Variants in USF3 observed in about 807,000 individuals in gnomAD.
USF3 encodes basic helix-loop-helix domain-containing protein USF3.
USF3 carries 29 observed loss-of-function variants against 157.5 expected under a neutral mutation model. That is an observed-to-expected ratio of 0.18 (90% CI 0.14 to 0.25). The LOEUF is 0.25. Among genes scored for constraint, USF3 ranks in the 10% least tolerant of loss-of-function variants. USF3 has a pLI of 1.00. For synonymous variants in USF3, 893 were observed against 941.4 expected (o/e 0.95, Z 0.94); for missense variants, 2,381 against 2,667.6 (o/e 0.89, Z 2.37).
Position 113,659,454 on chromosome 3 carries a change from C to T in USF3, c.2228G>A (p.Ser743Asn). 1 of 1,614,254 alleles carries T rather than the reference C, an allele frequency of 6.2e-7. No homozygotes were observed. The highest frequency in any genetic ancestry group is 1.6e-4 in the Middle Eastern group (1 of 6,062). Residue 743 changes from serine (S) to asparagine (N), a missense_variant, in exon 7 of 7, where the codon AGT becomes AAT. Around this residue, in one of 6 missense-constraint regions of USF3, gnomAD observed 1,435 missense variants for 1,550.9 expected, o/e 0.93. Transcript: ENST00000316407. ...AACACAGTTAGCTGTAGTGGTTTGA[C>T]TATTTGCAGCAGTTTGAGAATTGGC... ...QPANSQTAAN[S>N]QTTTANCVSL...
Position 113,657,322 on chromosome 3 carries a change from G to A in USF3, c.4360C>T (p.His1454Tyr), listed in dbSNP as rs1482952009. ...HVPAQGVSHLHSNHLYIKQQQ... is the reference protein window; with the variant it reads ...HVPAQGVSHLYSNHLYIKQQQ... ...TGCTTTATGTAGAGATGGTTACTATGAAGGTGAGATACACCTTGAGCTGGA... is the reference window on the plus strand; with the variant it reads ...TGCTTTATGTAGAGATGGTTACTATAAAGGTGAGATACACCTTGAGCTGGA... The change falls in exon 7 of 7, where the codon CAT becomes TAT. Residue 1454 changes from histidine to tyrosine, a missense_variant. Physicochemically the swap from His to Tyr is moderately conservative, Grantham distance 83. Around this residue, in one of 6 missense-constraint regions of USF3, gnomAD observed 1,435 missense variants for 1,550.9 expected, o/e 0.93. Transcript: ENST00000316407. 5 of 1,613,652 alleles carry A rather than the reference G, an allele frequency of 3.1e-6. No individual in the cohort carries two copies. The highest frequency in any genetic ancestry group is 4.2e-6 in the Non-Finnish European group (5 of 1,179,846).
In USF3 at chr3:113,651,049, T is replaced by G. The variant is rs1289282666; in HGVS notation, c.*3895A>C. 5.3e-5 allele frequency: 8 copies of G among 152,218 alleles called. No homozygotes were observed. Among genetic ancestry groups the G allele is most frequent in the Admixed American group, 2.6e-4 (4 of 15,286 alleles). 9.4% of individuals were successfully genotyped at this position (152,218 alleles called of 1,614,324 possible). A position where few individuals can be genotyped will look rare whatever the true frequency, so the allele number is the denominator to read the frequency against. Reference sequence around the variant, plus strand: ...AGAAAGAAACAACATCAAACTAGATTCCTTTCATCTATGATTGACACATTA... The same window carrying G: ...AGAAAGAAACAACATCAAACTAGATGCCTTTCATCTATGATTGACACATTA... On this transcript the variant is annotated 3_prime_UTR_variant, in exon 7 of 7. Coordinates refer to ENST00000316407, the MANE Select transcript of USF3 (RefSeq NM_001009899.4).
chr3:113,685,622 A>C (rs1043420865), intron 1 of USF3, among the ~76,000 whole-genome samples: 2 of 151,868 alleles, frequency 1.3e-5, no homozygotes, highest in African/African-American at 2.4e-5. Context: ...CCTGATGGCC[A>C]CCACAGATGA....
chr3:113,653,483 G>T lies in USF3; in HGVS notation c.*1461C>A, dbSNP rs184493802. On this transcript the variant is annotated 3_prime_UTR_variant, in exon 7 of 7. Coordinates refer to ENST00000316407, the MANE Select transcript of USF3 (RefSeq NM_001009899.4). ...CCAGGTGTGGTGGCACGTGCCTGTA[G>T]TCCCAGCTACACAGGAGGCTGAGGC... is the stretch of plus-strand genomic sequence containing the variant. 484 of 152,136 alleles carry T rather than the reference G, an allele frequency of 3.2e-3. No individual in the cohort carries two copies. The highest frequency in any genetic ancestry group is 5.6e-3 in the Non-Finnish European group (381 of 68,356). 9.4% of individuals were successfully genotyped at this position (152,136 alleles called of 1,614,324 possible).
intron 5 of USF3, among the ~76,000 whole-genome samples, chr3:113,666,714 C>G (rs184872475): frequency 1.3e-5 from 2 of 151,472 alleles, no homozygotes; most frequent in African/African-American, 4.9e-5. Context: ...TACAGGCACC[C>G]GCCACCATGC....
intron 1 of USF3, among the ~76,000 whole-genome samples, chr3:113,678,881 A>C (rs1000578511): frequency 6.6e-6 from 1 of 151,964 alleles, no homozygotes; most frequent in Non-Finnish European, 1.5e-5. Flanking sequence ...CAGCCTCCTA[A>C]GCAGCTAGGA....
At chr3:113,675,537 T>C (rs1008776483) in intron 2 of USF3, among the ~76,000 whole-genome samples, 1 of 152,182 alleles carries the variant, frequency 6.6e-6, no homozygotes, top group Non-Finnish European at 1.5e-5. Context: ...TATACATATA[T>C]GGAAAAGGCC....
In USF3 at chr3:113,660,892, C is replaced by G; in HGVS notation, c.790G>C (p.Glu264Gln). 1.2e-6 allele frequency: 2 copies of G among 1,614,114 alleles called. No individual in the cohort carries two copies. Among genetic ancestry groups the G allele is most frequent in the Non-Finnish European group, 1.7e-6 (2 of 1,180,000 alleles). Residue 264 changes from glutamate to glutamine, a missense_variant, in exon 7 of 7, where the codon GAG (glutamate) becomes CAG (glutamine). Physicochemically the swap from Glu to Gln is conservative, Grantham distance 29. Around this residue, in one of 6 missense-constraint regions of USF3, gnomAD observed 1,435 missense variants for 1,550.9 expected, o/e 0.93. Transcript: ENST00000316407. Reference protein sequence around the residue: ...GSLIAVSIESEPHQHHSLHTC... With the variant: ...GSLIAVSIESQPHQHHSLHTC... ...TGCAAAGAATGATGTTGGTGAGGCT[C>G]AGATTCAATTGAAACAGCAATCAGT...
Position 113,655,587 on chromosome 3 carries a change from TC to T in USF3, c.6094del (p.Glu2032ArgfsTer42). On this transcript the variant is annotated frameshift_variant, in exon 7 of 7. Coordinates refer to ENST00000316407, the MANE Select transcript of USF3 (RefSeq NM_001009899.4). LOFTEE classifies it high-confidence loss of function. ...GAAACGAACAATACTTCCTCTCTTC[TC>T]TGTGGCAGGTTGTTGACGTCCAAGA... Reference protein sequence around the residue: ...MILGRQQPATEKRGSIVRFMP... With the variant: ...MILGRQQPATXKRGSIVRFMP... 1 of 1,614,172 alleles carries T rather than the reference TC, an allele frequency of 6.2e-7. No individual in the cohort carries two copies. The highest frequency in any genetic ancestry group is 8.5e-7 in the Non-Finnish European group (1 of 1,180,002).
Position 113,650,391 on chromosome 3 carries a change from C to T in USF3, c.*4553G>A, listed in dbSNP as rs184784895. The T allele has an allele frequency of 5.2e-3, 813 of 155,566 alleles. 4 individuals carry two copies. Among genetic ancestry groups the T allele is most frequent in the Non-Finnish European group, 8.7e-3 (614 of 70,404 alleles). The allele number at this position is 155,566 out of a possible 1,614,324, so 9.6% of individuals were successfully genotyped here. A position where few individuals can be genotyped will look rare whatever the true frequency, so the allele number is the denominator to read the frequency against. On this transcript the variant is annotated 3_prime_UTR_variant, in exon 7 of 7. Transcript: ENST00000316407. ...GGGAATCACTGATTTGGGAGTATGACTCACTACCACACACTGATCCATACA... is the reference window on the plus strand; with the variant it reads ...GGGAATCACTGATTTGGGAGTATGATTCACTACCACACACTGATCCATACA...
At position 113,654,919 on chromosome 3, in the gene USF3, A is replaced by G; in HGVS notation, c.*25T>C. On this transcript the variant is annotated 3_prime_UTR_variant, in exon 7 of 7. Transcript: ENST00000316407. ...AAATACATTTGTAATCTCACTCATTACCTTTACATTTTGTTTATCAGTATT... is the reference window on the plus strand; with the variant it reads ...AAATACATTTGTAATCTCACTCATTGCCTTTACATTTTGTTTATCAGTATT... 1 of 1,587,554 alleles carries G rather than the reference A, an allele frequency of 6.3e-7. No homozygotes were observed. The highest frequency in any genetic ancestry group is 8.6e-7 in the Non-Finnish European group (1 of 1,165,388).
At position 113,652,992 on chromosome 3, in the gene USF3, C is replaced by A; in HGVS notation, c.*1952G>T. The A allele has an allele frequency of 9.4e-7, 1 of 1,067,750 alleles. No homozygotes were observed. Among genetic ancestry groups the A allele is most frequent in the South Asian group, 1.6e-5 (1 of 62,818 alleles). 66.1% of individuals were successfully genotyped at this position (1,067,750 alleles called of 1,614,324 possible). Reference sequence around the variant, plus strand: ...AAGAGGAACTTGAAAAAGGAATATTCAAGGTGCTGTTCCTGGTGTTAGTTG... The same window carrying A: ...AAGAGGAACTTGAAAAAGGAATATTAAAGGTGCTGTTCCTGGTGTTAGTTG... On this transcript the variant is annotated 3_prime_UTR_variant, in exon 7 of 7. Coordinates refer to ENST00000316407, the MANE Select transcript of USF3 (RefSeq NM_001009899.4).
chr3:113,666,165 C>G lies in USF3; in HGVS notation c.160-1756G>C, dbSNP rs911404087. 1.5e-4 allele frequency among the ~76,000 whole-genome samples: 23 copies of G among 149,976 alleles called. 1 individual carries two copies. Among genetic ancestry groups the G allele is most frequent in the African/African-American group, 5.1e-4 (21 of 40,784 alleles). On this transcript the variant is annotated intron_variant, in intron 5 of 6. Transcript: ENST00000316407. The stretch of plus-strand genomic sequence containing the variant: ...TGCCATTGCACTCCAGCCTGGGCAA[C>G]AGTAGCAAAACTCCATCTCAAAAAA...
chr3:113,679,953 T>C (rs1707371543), intron 1 of USF3, among the ~76,000 whole-genome samples: 1 of 152,002 alleles, frequency 6.6e-6, no homozygotes, highest in South Asian at 2.1e-4. Flanking sequence ...GTTTTTCTTT[T>C]TTTTTTTGAG....
At position 113,660,560 on chromosome 3, in the gene USF3, T is replaced by C. The variant is rs894444883; in HGVS notation, c.1122A>G (p.Ser374=). 1 of 1,614,082 alleles carries C rather than the reference T, an allele frequency of 6.2e-7. No individual in the cohort carries two copies. The highest frequency in any genetic ancestry group is 1.3e-5 in the African/African-American group (1 of 74,938). Reference sequence around the variant, plus strand: ...TGGCCTTCCCTACTCCAGGGGCAGATGATGCCACCACTGTAGCTGTACTTG... The same window carrying C: ...TGGCCTTCCCTACTCCAGGGGCAGACGATGCCACCACTGTAGCTGTACTTG... ...DLTSTATVVA[S]SAPGVGKATI... is the part of the protein sequence containing the mutation. The change falls in exon 7 of 7, where the codon TCA becomes TCG. Residue 374 remains serine, a synonymous_variant. Coordinates refer to ENST00000316407, the MANE Select transcript of USF3 (RefSeq NM_001009899.4).
chr3:113,674,601 C>T (rs1398286960), intron 3 of USF3, among the ~76,000 whole-genome samples: 1 of 152,180 alleles, frequency 6.6e-6, no homozygotes, highest in Non-Finnish European at 1.5e-5. Context: ...CCTCGGCCTC[C>T]CAAAGTGCTG....
chr3:113,672,435 A>G (rs12636240), intron 4 of USF3, among the ~76,000 whole-genome samples: 47,391 of 151,910 alleles, frequency 0.31, 7,476 homozygotes, highest in Non-Finnish European at 0.34. Context: ...CTATAAGCAC[A>G]TATCTATGGC....
intron 1 of USF3, among the ~76,000 whole-genome samples, chr3:113,680,053 C>CTTTTTTTTTTTT (rs71131103): frequency 1.3e-3 from 79 of 58,612 alleles, no homozygotes; most frequent in Admixed American, 2.2e-3. Flanking sequence ...CTGTAGTTTT[C>CTTTTTTTTTTTT]TTTTTTTTTT....
rs778019894 is a variant in USF3, at chr3:113,658,550, A to G, written c.3132T>C (p.Asn1044=). The G allele has an allele frequency of 1.9e-6, 3 of 1,613,974 alleles. No homozygotes were observed. The Admixed American group carries it at 5.0e-5, about 27-fold the overall frequency. ...ENPKIVDSSV[N]LHPKQELLLM... is the part of the protein sequence containing the mutation. ...GTAATAGTTCCTGTTTGGGATGTAA[A>G]TTCACACTTGAATCAACTATTTTAG... Residue 1044 remains asparagine (N), a synonymous_variant, in exon 7 of 7, where the codon AAT becomes AAC. Transcript: ENST00000316407.
Sources: allele counts gnomAD v4.1 joint callset (sites outside exome capture counted in the v4.1 genomes callset), GRCh38; gene constraint gnomAD v4.1.1; regional missense constraint gnomAD v4.1.1; transcripts MANE v1.5; gene names NCBI Gene and HGNC (gene_info 2026-07-23, HGNC 2026-07-21).